VPS13B: variants seen among roughly 807,000 people sequenced by gnomAD.
VPS13B encodes intermembrane lipid transfer protein VPS13B.
Under a neutral mutation model 426.4 loss-of-function variants are expected in VPS13B, and 285 were observed. That is an observed-to-expected ratio of 0.67 (90% CI 0.61 to 0.74). The LOEUF is 0.74. Ranked by LOEUF, VPS13B falls within the 30% of genes least tolerant of loss-of-function variation. VPS13B has a pLI of 0.00. For synonymous variants in VPS13B, 1,676 were observed against 1,676.4 expected (o/e 1.00, Z 0.01); for missense variants, 4,537 against 4,782.6 (o/e 0.95, Z 1.51).
chr8:99,814,019 A>G (rs923298277), intron 44 of VPS13B, among the ~76,000 whole-genome samples: 1 of 152,164 alleles, frequency 6.6e-6, no homozygotes, highest in Non-Finnish European at 1.5e-5. Context: ...ATGTGCCTGT[A>G]GTCCAAGCTA....
At chr8:99,193,556 C>G (rs527693667) in intron 17 of VPS13B, among the ~76,000 whole-genome samples, 122 of 152,138 alleles carry the variant, frequency 8.0e-4, no homozygotes, top group African/African-American at 2.6e-3. Flanking sequence ...ATATCTTCAT[C>G]TTATCACTCA....
intron 35 of VPS13B, among the ~76,000 whole-genome samples, chr8:99,669,013 C>T (rs2129858332): frequency 6.6e-6 from 1 of 152,174 alleles, no homozygotes; most frequent in Non-Finnish European, 1.5e-5. Flanking sequence ...TGAACTAATC[C>T]AGGCCTCACA....
intron 31 of VPS13B, among the ~76,000 whole-genome samples, chr8:99,569,764 A>G (rs1448068624): frequency 2.0e-5 from 3 of 152,202 alleles, no homozygotes; most frequent in Admixed American, 2.0e-4. Context: ...TTGCTTAGTA[A>G]CAATTTCAGA....
intron 21 of VPS13B, among the ~76,000 whole-genome samples, chr8:99,406,805 G>C (rs1815357933): frequency 6.6e-6 from 1 of 152,170 alleles, no homozygotes; most frequent in South Asian, 2.1e-4. Context: ...TTAGAGAACT[G>C]AGGAAAATTG....
chr8:99,276,324 C>T (rs562041911), intron 19 of VPS13B, among the ~76,000 whole-genome samples: 1 of 152,218 alleles, frequency 6.6e-6, no homozygotes, highest in Admixed American at 6.5e-5. Flanking sequence ...AAGGACAGCA[C>T]ACCTCAAAAA....
chr8:99,533,780 T>G (rs939119805), intron 30 of VPS13B, among the ~76,000 whole-genome samples: 1 of 152,210 alleles, frequency 6.6e-6, no homozygotes, highest in Non-Finnish European at 1.5e-5. Context: ...ACTCAAGGTA[T>G]GGCATCTCTC....
At chr8:99,264,224 T>C (rs1247763600) in intron 17 of VPS13B, among the ~76,000 whole-genome samples, 2 of 151,892 alleles carry the variant, frequency 1.3e-5, no homozygotes. Flanking sequence ...TTTTTTTTAA[T>C]GCTTTTTCCT....
At chr8:99,179,337 T>C (rs1286947335) in intron 16 of VPS13B, among the ~76,000 whole-genome samples, 1 of 152,200 alleles carries the variant, frequency 6.6e-6, no homozygotes, top group East Asian at 1.9e-4. Flanking sequence ...AATACTTTGC[T>C]TCTTACAATT....
rs560662069 is a variant in VPS13B, at chr8:99,267,721, G to A, written c.2516-6477G>A. 2.2e-4 allele frequency among the ~76,000 whole-genome samples: 32 copies of A among 148,654 alleles called. No homozygotes were observed. In the East Asian group the frequency reaches 2.6e-3, roughly 12 times the overall value. On this transcript the variant is annotated intron_variant, in intron 17 of 61. Transcript: ENST00000357162. Reference sequence around the variant, plus strand: ...CAGCCTGGCGACAGAGTGAGACTCCGTCAAAAAAAAAAAAGAAAAAAGAAA... The same window carrying A: ...CAGCCTGGCGACAGAGTGAGACTCCATCAAAAAAAAAAAAGAAAAAAGAAA...
At chr8:99,111,834 G>A (rs1847385980) in intron 6 of VPS13B, among the ~76,000 whole-genome samples, 1 of 152,112 alleles carries the variant, frequency 6.6e-6, no homozygotes, top group African/African-American at 2.4e-5. Flanking sequence ...TTAAGATTAA[G>A]GGATTTGTTA....
intron 33 of VPS13B, among the ~76,000 whole-genome samples, chr8:99,598,861 C>G (rs1827145610): frequency 6.6e-6 from 1 of 151,702 alleles, no homozygotes; most frequent in Non-Finnish European, 1.5e-5. Context: ...TGTTCTTATG[C>G]TGTCTTTGAT....
chr8:99,247,219 A>G (rs1194538987), intron 17 of VPS13B, among the ~76,000 whole-genome samples: 1 of 152,088 alleles, frequency 6.6e-6, no homozygotes, highest in Non-Finnish European at 1.5e-5. Flanking sequence ...ACATTATTGT[A>G]TTTTAGAATA....
At chr8:99,443,504 A>G (rs2133442801) in intron 23 of VPS13B, among the ~76,000 whole-genome samples, 1 of 152,242 alleles carries the variant, frequency 6.6e-6, no homozygotes, top group African/African-American at 2.4e-5. Context: ...ACTGAGAGAC[A>G]TTTTTGGTCC....
intron 15 of VPS13B, among the ~76,000 whole-genome samples, chr8:99,160,352 A>G (rs1811579633): frequency 6.6e-6 from 1 of 152,212 alleles, no homozygotes. Flanking sequence ...AAAACTATAA[A>G]AAGTTGAATT....
chr8:99,762,189 C>T (rs769664026), intron 39 of VPS13B, among the ~76,000 whole-genome samples: 8 of 152,106 alleles, frequency 5.3e-5, no homozygotes, highest in Non-Finnish European at 1.0e-4. Flanking sequence ...TCATGCCCAG[C>T]TAATTTTTTT....
chr8:99,325,096 G>T (rs1161982544), intron 19 of VPS13B, among the ~76,000 whole-genome samples: 2 of 151,946 alleles, frequency 1.3e-5, no homozygotes, highest in Admixed American at 6.6e-5. Flanking sequence ...TAGTTAAAAG[G>T]TCTTAAAATT....
chr8:99,780,454 A>G (rs945573033), intron 42 of VPS13B, among the ~76,000 whole-genome samples: 4 of 152,180 alleles, frequency 2.6e-5, no homozygotes, highest in African/African-American at 4.8e-5. Context: ...AGCTATACAT[A>G]TAAATAAAAT....
chr8:99,255,893 C>G (rs1817720985), intron 17 of VPS13B, among the ~76,000 whole-genome samples: 1 of 152,138 alleles, frequency 6.6e-6, no homozygotes, highest in Admixed American at 6.5e-5. Flanking sequence ...TCTAGGCCTT[C>G]TCTTTAGCCT....
At chr8:99,185,455 A>G (rs1245581870) in intron 16 of VPS13B, among the ~76,000 whole-genome samples, 2 of 152,110 alleles carry the variant, frequency 1.3e-5, no homozygotes, top group African/African-American at 2.4e-5. Context: ...AACTGTTTTC[A>G]TTTCTAAGTT....
Sources: gnomAD v4.1 joint callset for allele counts (sites outside exome capture counted in the v4.1 genomes callset) on GRCh38, gnomAD v4.1.1 for gene constraint, MANE v1.5 for transcripts, NCBI Gene and HGNC (gene_info 2026-07-23, HGNC 2026-07-21) for gene names.